Variants in CLYBL observed in about 807,000 individuals in gnomAD.
CLYBL encodes the protein citramalyl-CoA lyase.
A neutral mutation model predicts 38.9 loss-of-function variants in CLYBL; 31 were observed. The ratio of observed to expected loss-of-function variants is 0.80; its 90% CI spans 0.60 to 1.08. CLYBL has a LOEUF of 1.08. Among genes scored for constraint, CLYBL ranks in the 50% least tolerant of loss-of-function variants. The probability of loss-of-function intolerance (pLI) is 0.00; values close to 1 mark genes in which losing one functional copy is unlikely to be tolerated. For synonymous variants in CLYBL, 171 were observed against 158.6 expected, an observed-to-expected ratio of 1.08 and a Z score of -0.59; for missense variants, 434 against 411.6, an observed-to-expected ratio of 1.05 and a Z score of -0.47.
chr13:99,716,630 C>T lies in CLYBL; in HGVS notation c.63-56194C>T, dbSNP rs372720242. ...AACTCCTGACCTCAGGTGATCCACC[C>T]ACCTCGGCCTCCCAAAGTGCTGGGA... is the stretch of plus-strand genomic sequence containing the variant. On this transcript the variant is annotated intron_variant, in intron 1 of 8. Coordinates refer to ENST00000339105, the MANE Select transcript of CLYBL (RefSeq NM_206808.5). 1.5e-3 allele frequency among the ~76,000 whole-genome samples: 226 copies of T among 151,664 alleles called. 5 individuals carry two copies. In the East Asian group the frequency reaches 0.037, roughly 25 times the overall value.
chr13:99,849,481 C>T lies in CLYBL; in HGVS notation c.250-9380C>T, dbSNP rs1215855995. Among the ~76,000 whole-genome samples, 1 of 152,194 alleles carries T rather than the reference C, an allele frequency of 6.6e-6. No homozygotes were observed. Among genetic ancestry groups the T allele is most frequent in the Admixed American group, 6.5e-5 (1 of 15,292 alleles). Reference sequence around the variant, plus strand: ...TGAGCCATGATCCTGCCACTGCACTCCAGCCTGGCTGACACAGCAAGACCC... The same window carrying T: ...TGAGCCATGATCCTGCCACTGCACTTCAGCCTGGCTGACACAGCAAGACCC... On this transcript the variant is annotated intron_variant, in intron 2 of 8. Transcript: ENST00000339105. The surrounding 1 kb of genome is among the most constrained non-coding windows in gnomAD (Gnocchi z 4.9).
At chr13:99,753,244 T>C (rs547499603) in intron 1 of CLYBL, among the ~76,000 whole-genome samples, 2 of 151,892 alleles carry the variant, frequency 1.3e-5, no homozygotes, top group African/African-American at 4.8e-5. Flanking sequence ...CCAATCTGGG[T>C]GAGACATTTG....
intron 2 of CLYBL, among the ~76,000 whole-genome samples, chr13:99,805,360 A>G (rs1157964145): frequency 1.3e-5 from 2 of 152,156 alleles, no homozygotes; most frequent in East Asian, 1.9e-4. Flanking sequence ...ATATACTTTA[A>G]AAACCTATAT....
At chr13:99,796,000 T>C (rs1002523195) in intron 2 of CLYBL, among the ~76,000 whole-genome samples, 3 of 151,970 alleles carry the variant, frequency 2.0e-5, no homozygotes, top group African/African-American at 7.3e-5. Context: ...GATGGATAGG[T>C]ACACAGGGGA....
chr13:99,746,429 T>A (rs2048853068), intron 1 of CLYBL, among the ~76,000 whole-genome samples: 1 of 152,036 alleles, frequency 6.6e-6, no homozygotes, highest in African/African-American at 2.4e-5. Flanking sequence ...TAGTGGATAT[T>A]TCTGGTGGTC....
At chr13:99,905,209 TTAA>T (rs1344159358) in intron 8 of CLYBL, among the ~76,000 whole-genome samples, 1 of 152,246 alleles carries the variant, frequency 6.6e-6, no homozygotes. Flanking sequence ...CTCTAGGATC[TTAA>T]TAAGGCCAGG....
chr13:99,717,829 G>T (rs894587295), intron 1 of CLYBL, among the ~76,000 whole-genome samples: 5 of 152,154 alleles, frequency 3.3e-5, no homozygotes, highest in Non-Finnish European at 7.4e-5. Context: ...CAACTTGGGT[G>T]TGTATGTGTG....
At chr13:99,699,489 C>T (rs183627895) in intron 1 of CLYBL, among the ~76,000 whole-genome samples, 153 of 151,252 alleles carry the variant, frequency 1.0e-3, no homozygotes, top group African/African-American at 3.3e-3. Flanking sequence ...GTCAGGAGTT[C>T]GAGACCAACC....
intron 1 of CLYBL, among the ~76,000 whole-genome samples, chr13:99,709,878 T>A (rs987499193): frequency 1.3e-5 from 2 of 151,800 alleles, no homozygotes; most frequent in Non-Finnish European, 2.9e-5. Flanking sequence ...GCCACTGCAT[T>A]TCAGTAGCTG....
chr13:99,883,286 C>T (rs769999474), intron 7 of CLYBL, among the ~76,000 whole-genome samples: 5 of 151,960 alleles, frequency 3.3e-5, no homozygotes, highest in Admixed American at 2.0e-4. Flanking sequence ...TTTGGGAGGC[C>T]GAGGCGGGTG....
intron 2 of CLYBL, among the ~76,000 whole-genome samples, chr13:99,829,535 T>G (rs2139067628): frequency 6.6e-6 from 1 of 152,218 alleles, no homozygotes; most frequent in Middle Eastern, 3.4e-3. Context: ...AAAGCAGGGT[T>G]GTTGTTGTTG....
intron 1 of CLYBL, among the ~76,000 whole-genome samples, chr13:99,756,212 A>G (rs1256382122): frequency 4.6e-5 from 7 of 152,196 alleles, no homozygotes; most frequent in African/African-American, 1.7e-4. Context: ...GCTCATCTCA[A>G]AATTATCATT....
At chr13:99,619,872 T>C (rs2046767739) in intron 1 of CLYBL, among the ~76,000 whole-genome samples, 1 of 152,224 alleles carries the variant, frequency 6.6e-6, no homozygotes, top group African/African-American at 2.4e-5. Context: ...TTTTGAGCTC[T>C]AAGTTATTTT....
At chr13:99,803,651 A>G (rs1054952835) in intron 2 of CLYBL, among the ~76,000 whole-genome samples, 2 of 152,238 alleles carry the variant, frequency 1.3e-5, no homozygotes, top group East Asian at 3.8e-4. Flanking sequence ...ATATGTATGT[A>G]AAACACTTAC....
rs1239199235 is a variant in CLYBL at position 99,858,990 on chromosome 13, CG to C, written c.382del (p.Val128SerfsTer6). 6.2e-7 allele frequency: 1 copy of C among 1,613,906 alleles called. No individual in the cohort carries two copies. Among genetic ancestry groups the C allele is most frequent in the African/African-American group, 1.3e-5 (1 of 74,898 alleles). ...EEDLETLLQS[R>X]VLPSSLMLPK... Reference sequence around the variant, plus strand: ...AGACCTAGAGACCCTTTTGCAATCCCGGGTCCTTCCTTCCAGCCTGATGCTA... The same window carrying C: ...AGACCTAGAGACCCTTTTGCAATCCCGGTCCTTCCTTCCAGCCTGATGCTA... On this transcript the variant is annotated frameshift_variant, in exon 3 of 9. Coordinates refer to ENST00000339105, the MANE Select transcript of CLYBL (RefSeq NM_206808.5). LOFTEE classifies it high-confidence loss of function.
intron 1 of CLYBL, among the ~76,000 whole-genome samples, chr13:99,622,946 C>T (rs1405648790): frequency 6.6e-6 from 1 of 152,122 alleles, no homozygotes; most frequent in Non-Finnish European, 1.5e-5. Context: ...ATTCCCCCTG[C>T]CTCAACCTTC....
chr13:99,707,880 C>T lies in CLYBL; in HGVS notation c.63-64944C>T, dbSNP rs77582601. On this transcript the variant is annotated intron_variant, in intron 1 of 8. Transcript: ENST00000339105. ...CATGAATGCCTGTGTCTTCTACCAC[C>T]AAACAGATTCTGTTGGACCCACAAC... is the stretch of plus-strand genomic sequence containing the variant. Among the ~76,000 whole-genome samples, 539 of 152,306 alleles carry T rather than the reference C, an allele frequency of 3.5e-3. 9 individuals carry two copies. The highest frequency in any genetic ancestry group is 0.012 in the African/African-American group (504 of 41,562).
At chr13:99,770,389 C>T (rs1003862575) in intron 1 of CLYBL, among the ~76,000 whole-genome samples, 4 of 152,206 alleles carry the variant, frequency 2.6e-5, no homozygotes, top group Non-Finnish European at 5.9e-5. Context: ...GCAATCTTGG[C>T]TCACTGCAAG....
At chr13:99,905,910 A>G (rs1026579227) in intron 9 of CLYBL, among the ~76,000 whole-genome samples, 2 of 151,920 alleles carry the variant, frequency 1.3e-5, no homozygotes, top group Non-Finnish European at 2.9e-5. Flanking sequence ...AGTAGCAGGA[A>G]CTACAGGCCT....
Sources: allele counts gnomAD v4.1 joint callset (sites outside exome capture counted in the v4.1 genomes callset), GRCh38; gene constraint gnomAD v4.1.1; non-coding constraint Gnocchi (gnomAD v3.1); transcripts MANE v1.5; gene names NCBI Gene and HGNC (gene_info 2026-07-23, HGNC 2026-07-21).